Variants in LAMC3 observed in about 807,000 individuals in gnomAD.
LAMC3 encodes laminin subunit gamma-3.
A neutral mutation model predicts 173.8 loss-of-function variants in LAMC3; 128 were observed. The observed-to-expected ratio is 0.74, with a 90% CI of 0.64 to 0.85. The LOEUF is 0.85. LAMC3 is among the 40% of genes least tolerant of loss of function. The probability of loss-of-function intolerance (pLI) is 0.00; values close to 1 mark genes in which losing one functional copy is unlikely to be tolerated. For synonymous variants in LAMC3, 897 were observed against 909.1 expected, an observed-to-expected ratio of 0.99 and a Z score of 0.24; for missense variants, 2,022 against 2,156.0, an observed-to-expected ratio of 0.94 and a Z score of 1.23.
chr9:131,083,732 A>G (rs910253309), intron 24 of LAMC3, among the ~76,000 whole-genome samples: 2 of 152,208 alleles, frequency 1.3e-5, no homozygotes, highest in Non-Finnish European at 2.9e-5. Flanking sequence ...GCTGAGAAAC[A>G]TCAATTTTGT....
chr9:131,061,296 C>T (rs995891020), intron 13 of LAMC3, 73 bp downstream of exon 13: 18 of 1,342,268 alleles, frequency 1.3e-5, no homozygotes, highest in Non-Finnish European at 1.8e-5. Context: ...GCCCTGGGCT[C>T]CAGGGTTAGG....
intron 7 of LAMC3, among the ~76,000 whole-genome samples, chr9:131,045,252 AAC>A (rs1554786054): frequency 2.5e-4 from 38 of 151,502 alleles, no homozygotes; most frequent in African/African-American, 6.1e-4. Context: ...ACAACAAAAA[AAC>A]AAAACCTAAT....
At chr9:131,059,048 A>C (rs190254933) in intron 12 of LAMC3, among the ~76,000 whole-genome samples, 38 of 151,362 alleles carry the variant, frequency 2.5e-4, no homozygotes, top group Non-Finnish European at 4.4e-4. Flanking sequence ...AAATACAAAA[A>C]TTAGCCAGGT....
In LAMC3 at chr9:131,039,072, C is replaced by T. The variant is rs1307116868; in HGVS notation, c.1165+20C>T. 5 of 1,612,726 alleles carry T rather than the reference C, an allele frequency of 3.1e-6. 1 individual carries two copies. The African/African-American group carries it at 5.3e-5, about 17-fold the overall frequency. On this transcript the variant is annotated intron_variant, in intron 5 of 27. Transcript: ENST00000361069. ...CGGCAGGTGAGTGGACTCCACATCC[C>T]CAGCCTCCGACCCTCTCCCTTTCCT... is the stretch of plus-strand genomic sequence containing the variant.
Position 131,009,331 on chromosome 9 carries a change from C to G in LAMC3, c.117C>G (p.Phe39Leu). ...AGRPQRCLPV[F>L]ENAAFGRLAQ... ...GCCCGCAGCGCTGCCTGCCGGTGTT[C>G]GAGAACGCGGCGTTTGGGCGGCTCG... is the stretch of plus-strand genomic sequence containing the variant. The change falls in exon 1 of 28, where the codon TTC (phenylalanine) becomes TTG (leucine). Residue 39 changes from phenylalanine to leucine, a missense_variant. By Grantham distance (22) the Phe-to-Leu change is conservative. Transcript: ENST00000361069. This position sits in a 1 kb window ranked among gnomAD's most constrained non-coding sequence, Gnocchi z 4.3. 2.7e-6 allele frequency: 4 copies of G among 1,487,440 alleles called. No individual in the cohort carries two copies. Among genetic ancestry groups the G allele is most frequent in the Non-Finnish European group, 1.8e-6 (2 of 1,125,910 alleles). The allele number at this position is 1,487,440 out of a possible 1,614,324, so 92.1% of individuals were successfully genotyped here. A position where few individuals can be genotyped will look rare whatever the true frequency, so the allele number is the denominator to read the frequency against.
intron 24 of LAMC3, among the ~76,000 whole-genome samples, chr9:131,083,062 C>T (rs1830268357): frequency 6.6e-6 from 1 of 152,142 alleles, no homozygotes; most frequent in African/African-American, 2.4e-5. Context: ...TATCTAGAGT[C>T]ATATTTAGAA....
intron 14 of LAMC3, among the ~76,000 whole-genome samples, chr9:131,067,556 ACT>A (rs1588161435): frequency 1.3e-5 from 2 of 151,602 alleles, no homozygotes; most frequent in Admixed American, 6.6e-5. Context: ...CTCAGTTAAC[ACT>A]CAGCCCCTGG....
chr9:131,045,491 G>A (rs781254526), intron 7 of LAMC3, 33 bp from the exon 8 acceptor site: 3 of 1,612,274 alleles, frequency 1.9e-6, no homozygotes, highest in Non-Finnish European at 2.5e-6. Context: ...TGATTCACGT[G>A]GCCCTCGTGG....
chr9:131,046,666 C>T lies in LAMC3; in HGVS notation c.1519+1006C>T, dbSNP rs546165098. Reference sequence around the variant, plus strand: ...GAGTGTCCGCGCCCAGCTGTTTTGCCCTTAACCGCTGTGGTGGCCTATACC... The same window carrying T: ...GAGTGTCCGCGCCCAGCTGTTTTGCTCTTAACCGCTGTGGTGGCCTATACC... On this transcript the variant is annotated intron_variant, in intron 8 of 27. Coordinates refer to ENST00000361069, the MANE Select transcript of LAMC3 (RefSeq NM_006059.4). 4.8e-4 allele frequency among the ~76,000 whole-genome samples: 73 copies of T among 151,468 alleles called. 1 individual carries two copies. Among genetic ancestry groups the T allele is most frequent in the South Asian group, 2.1e-3 (10 of 4,784 alleles).
At chr9:131,012,804 T>C (rs1367405208) in intron 1 of LAMC3, among the ~76,000 whole-genome samples, 1 of 152,174 alleles carries the variant, frequency 6.6e-6, no homozygotes, top group Non-Finnish European at 1.5e-5. Context: ...GGCGGCCAGC[T>C]CTGGCCCGGG....
rs1300991999 is a variant in LAMC3 at position 131,009,489 on chromosome 9, C to T, written c.275C>T (p.Thr92Ile). The change falls in exon 1 of 28, where the codon ACC becomes ATC. Residue 92 changes from threonine to isoleucine, a missense_variant. Transcript: ENST00000361069. This position sits in a 1 kb window ranked among gnomAD's most constrained non-coding sequence, Gnocchi z 4.3. ...PQRHHNASYL[T>I]DFHSQDESTW... Reference sequence around the variant, plus strand: ...CGCCACCACAACGCCTCCTACCTCACCGACTTCCACAGCCAGGACGAGAGC... The same window carrying T: ...CGCCACCACAACGCCTCCTACCTCATCGACTTCCACAGCCAGGACGAGAGC... The T allele has an allele frequency of 1.3e-6, 2 of 1,550,220 alleles. No individual in the cohort carries two copies. The highest frequency in any genetic ancestry group is 2.0e-5 in the Admixed American group (1 of 51,046).
intron 1 of LAMC3, among the ~76,000 whole-genome samples, chr9:131,018,868 C>T (rs1198881766): frequency 6.6e-6 from 1 of 152,248 alleles, no homozygotes; most frequent in Non-Finnish European, 1.5e-5. Context: ...TTCTCCTCAC[C>T]TTCCCTGGCT....
intron 24 of LAMC3, among the ~76,000 whole-genome samples, chr9:131,082,773 T>A (rs1366438365): frequency 6.6e-6 from 1 of 152,230 alleles, no homozygotes; most frequent in Non-Finnish European, 1.5e-5. Context: ...TGTGGCTCCT[T>A]ATCCAACGGG....
At chr9:131,012,512 T>C (rs1345253584) in intron 1 of LAMC3, among the ~76,000 whole-genome samples, 4 of 152,238 alleles carry the variant, frequency 2.6e-5, no homozygotes, top group East Asian at 1.9e-4. Context: ...CCGGCCGCCC[T>C]GCCTCCTCAA....
intron 27 of LAMC3, among the ~76,000 whole-genome samples, chr9:131,088,869 G>T (rs1386764447): frequency 6.6e-6 from 1 of 151,940 alleles, no homozygotes; most frequent in East Asian, 1.9e-4. Context: ...ATCATTTGAG[G>T]TCAGGAGTTT....
At chr9:131,056,758 C>G (rs1834414037) in intron 11 of LAMC3, among the ~76,000 whole-genome samples, 171 bp from the exon 12 acceptor site, 1 of 152,124 alleles carries the variant, frequency 6.6e-6, no homozygotes, top group African/African-American at 2.4e-5. Context: ...CCACTGCACT[C>G]TAGCCTGAGT....
rs531671137 is a variant in LAMC3, at chr9:131,057,029, G to A, written c.2040G>A (p.Thr680=). ...TTTGTTCATGTCCCACTGGCTACAC[G>A]GGCCAGTTCTGTGAATCCTGTGCTC... is the stretch of plus-strand genomic sequence containing the variant. ...VEICSCPTGY[T]GQFCESCAPG... is the part of the protein sequence containing the mutation. Residue 680 remains threonine (T), a synonymous_variant, in exon 12 of 28, where the codon ACG becomes ACA. Transcript: ENST00000361069. The A allele has an allele frequency of 4.3e-6, 7 of 1,613,920 alleles. No individual in the cohort carries two copies. Among genetic ancestry groups the A allele is most frequent in the East Asian group, 2.2e-5 (1 of 44,880 alleles).
intron 2 of LAMC3, among the ~76,000 whole-genome samples, chr9:131,028,519 G>A (rs951523105): frequency 6.6e-6 from 1 of 152,218 alleles, no homozygotes; most frequent in Admixed American, 6.5e-5. Context: ...TGCAGCATGA[G>A]AACACACGGA....
At position 131,040,093 on chromosome 9, in the gene LAMC3, C is replaced by T. The variant is rs540217023; in HGVS notation, c.1283+845C>T. Among the ~76,000 whole-genome samples, 18 of 148,330 alleles carry T rather than the reference C, an allele frequency of 1.2e-4. No individual in the cohort carries two copies. The South Asian group carries it at 3.6e-3, about 30-fold the overall frequency. On this transcript the variant is annotated intron_variant, in intron 6 of 27. Coordinates refer to ENST00000361069, the MANE Select transcript of LAMC3 (RefSeq NM_006059.4). ...GCAGTGGTGCCATCTTGGCTCACTG[C>T]AACCTCCACCTCCCCGGTTCCAGCA... is the stretch of plus-strand genomic sequence containing the variant.
Sources: allele counts gnomAD v4.1 joint callset (sites outside exome capture counted in the v4.1 genomes callset), GRCh38; gene constraint gnomAD v4.1.1; non-coding constraint Gnocchi (gnomAD v3.1); transcripts MANE v1.5; gene names NCBI Gene and HGNC (gene_info 2026-07-23, HGNC 2026-07-21).